Variants in PRR12 observed in about 807,000 individuals in gnomAD.
PRR12 encodes proline rich 12.
A neutral mutation model predicts 138.0 loss-of-function variants in PRR12; 12 were observed. That is an observed-to-expected ratio of 0.09 (90% confidence interval 0.06 to 0.14). The LOEUF (loss-of-function observed/expected upper bound fraction) is 0.14. Ranked by LOEUF, PRR12 falls within the 10% of genes least tolerant of loss-of-function variation. The probability of loss-of-function intolerance (pLI) is 1.00; values close to 1 mark genes in which losing one functional copy is unlikely to be tolerated. For synonymous variants in PRR12, 1,567 were observed against 1,291.7 expected (o/e 1.21, Z -4.57); for missense variants, 2,692 against 2,861.3 (o/e 0.94, Z 1.35).
Position 49,595,098 on chromosome 19 carries a change from G to T in PRR12, c.763G>T (p.Ala255Ser). Residue 255 changes from alanine (A) to serine (S), a missense_variant, in exon 4 of 14, where the codon GCC (alanine) becomes TCC (serine). Ala to Ser is a moderately conservative substitution (Grantham distance 99, BLOSUM62 1). This residue lies in a region of PRR12 where 523 missense variants were observed against 496.4 expected (regional missense o/e 1.05). Transcript: ENST00000418929. ...CCTGCTGGCTTCCTCTTCCGCTGCC[G>T]CCGCCGCTGCCGAGCAGTCCTCCCC... ...FNLLASSSAA[A>S]AAAEQSSPQL... is the part of the protein sequence containing the mutation. The T allele has an allele frequency of 6.2e-7, 1 of 1,610,294 alleles. No homozygotes were observed. The highest frequency in any genetic ancestry group is 8.5e-7 in the Non-Finnish European group (1 of 1,179,454).
chr19:49,599,600 C>A lies in PRR12; in HGVS notation c.4007C>A (p.Pro1336Gln). The change falls in exon 5 of 14, where the codon CCA becomes CAA. Residue 1336 changes from proline to glutamine, a missense_variant. Coordinates refer to ENST00000418929, the MANE Select transcript of PRR12 (RefSeq NM_020719.3). This position sits in a 1 kb window ranked among gnomAD's most constrained non-coding sequence, Gnocchi z 5.0. The stretch of plus-strand genomic sequence containing the variant: ...GCCACCCCTGCTGTGCCACATCCCC[C>A]ACCTTCCGGAGCCTTTGGGCTTGGG... ...PPATPAVPHP[P>Q]PSGAFGLGGA... 2 of 1,598,980 alleles carry A rather than the reference C, an allele frequency of 1.3e-6. No individual in the cohort carries two copies. The highest frequency in any genetic ancestry group is 1.7e-6 in the Non-Finnish European group (2 of 1,172,066).
At chr19:49,609,808 G>C (rs1441569897) in intron 6 of PRR12, among the ~76,000 whole-genome samples, 2 of 152,032 alleles carry the variant, frequency 1.3e-5, no homozygotes, top group South Asian at 2.1e-4. Context: ...TTGGGTGCAG[G>C]GGTGAGTTCC....
Position 49,595,431 on chromosome 19 carries a change from G to A in PRR12, c.1096G>A (p.Glu366Lys). 1 of 1,547,302 alleles carries A rather than the reference G, an allele frequency of 6.5e-7. No homozygotes were observed. The highest frequency in any genetic ancestry group is 2.0e-5 in the Admixed American group (1 of 50,948). ...AGASGRATGP[E>K]AAGGGGAGGG... The stretch of plus-strand genomic sequence containing the variant: ...GGCATCTGGCCGGGCCACGGGCCCT[G>A]AGGCAGCAGGGGGCGGTGGGGCTGG... The change falls in exon 4 of 14, where the codon GAG becomes AAG. Residue 366 changes from glutamate (E) to lysine (K), a missense_variant. Coordinates refer to ENST00000418929, the MANE Select transcript of PRR12 (RefSeq NM_020719.3).
rs766779233 is a variant in PRR12 at position 49,624,979 on chromosome 19, G to A, written c.5857G>A (p.Val1953Ile). ...KTLSKLKRSV[V>I]RAQEFKVELE... ...GCTCAGCAAGCTCAAGAGGAGCGTGGTCAGAGCCCAGGTGGGCACTGGGGC... is the reference window on the plus strand; with the variant it reads ...GCTCAGCAAGCTCAAGAGGAGCGTGATCAGAGCCCAGGTGGGCACTGGGGC... Residue 1953 changes from valine to isoleucine, a missense_variant, in exon 12 of 14, where the codon GTC (valine) becomes ATC (isoleucine). Physicochemically the swap from Val to Ile is conservative, Grantham distance 29. Transcript: ENST00000418929. 2.2e-5 allele frequency: 36 copies of A among 1,600,334 alleles called. No individual in the cohort carries two copies. In the South Asian group the frequency reaches 3.1e-4, roughly 14 times the overall value.
In PRR12 at chr19:49,624,999, T is replaced by G; in HGVS notation, c.5868+9T>G. 6.2e-7 allele frequency: 1 copy of G among 1,603,474 alleles called. No individual in the cohort carries two copies. ...GCGTGGTCAGAGCCCAGGTGGGCAC[T>G]GGGGCTGGGGCTGGGAGTGGGGAGT... On this transcript the variant is annotated intron_variant, in intron 12 of 13. Coordinates refer to ENST00000418929, the MANE Select transcript of PRR12 (RefSeq NM_020719.3).
chr19:49,597,476 G>A lies in PRR12; in HGVS notation c.3141G>A (p.Pro1047=), dbSNP rs377042776. The change falls in exon 4 of 14, where the codon CCG becomes CCA. Residue 1047 remains proline (P), a synonymous_variant. Transcript: ENST00000418929. The surrounding 1 kb of genome is among the most constrained non-coding windows in gnomAD (Gnocchi z 6.3). ...CACCACCCCCGCCTCCGCCACCGCC[G>A]CCTCCCGCGCCGGCCTCCGAACCCA... ...AAPPPPPPPP[P]PPAPASEPKG... The A allele has an allele frequency of 1.9e-5, 29 of 1,545,070 alleles. No homozygotes were observed. The highest frequency in any genetic ancestry group is 8.2e-5 in the African/African-American group (6 of 73,002).
chr19:49,614,517 C>G lies in PRR12; in HGVS notation c.4774-16C>G. On this transcript the variant is annotated splice_polypyrimidine_tract_variant and intron_variant, in intron 6 of 13. Coordinates refer to ENST00000418929, the MANE Select transcript of PRR12 (RefSeq NM_020719.3). The surrounding 1 kb of genome is among the most constrained non-coding windows in gnomAD (Gnocchi z 5.0). ...AGGGCTGACCCTGCTGGCCTCACCA[C>G]ACCCCTCCTCCTCAGCTGGCGTTGC... is the stretch of plus-strand genomic sequence containing the variant. 5 of 1,526,286 alleles carry G rather than the reference C, an allele frequency of 3.3e-6. No homozygotes were observed. The highest frequency in any genetic ancestry group is 4.4e-6 in the Non-Finnish European group (5 of 1,134,310). The allele number at this position is 1,526,286 out of a possible 1,614,324, so 94.5% of individuals were successfully genotyped here.
At chr19:49,606,920 A>G (rs7254127) in intron 6 of PRR12, among the ~76,000 whole-genome samples, 2,800 of 152,214 alleles carry the variant, frequency 0.018, 88 homozygotes, top group African/African-American at 0.063. Context: ...TTTATTCCAG[A>G]AAAACAGCAA....
At chr19:49,601,229 T>G (rs2080808131) in intron 5 of PRR12, among the ~76,000 whole-genome samples, 1 of 151,676 alleles carries the variant, frequency 6.6e-6, no homozygotes, top group African/African-American at 2.4e-5. Flanking sequence ...GAAGAGGAGT[T>G]AAGAACCAGA....
chr19:49,619,397 G>T (rs865994399), intron 9 of PRR12, among the ~76,000 whole-genome samples: 7 of 150,526 alleles, frequency 4.7e-5, no homozygotes, highest in African/African-American at 1.7e-4. Flanking sequence ...CACCACACCC[G>T]GCTAATTTTG....
intron 6 of PRR12, among the ~76,000 whole-genome samples, chr19:49,611,442 G>C (rs999166211): frequency 6.6e-6 from 1 of 151,446 alleles, no homozygotes; most frequent in African/African-American, 2.4e-5. Flanking sequence ...TTTGAGACCA[G>C]CCTTGCCAAC....
chr19:49,620,484 T>C lies in PRR12; in HGVS notation c.5623+7T>C, dbSNP rs755147580. ...GCCCTGGAGGACACGCATGGTGAGC[T>C]GAGGCCTGGGGAGGAGGGGGGGGGG... On this transcript the variant is annotated splice_region_variant and intron_variant, in intron 10 of 13. Transcript: ENST00000418929. 62 of 1,517,538 alleles carry C rather than the reference T, an allele frequency of 4.1e-5. No homozygotes were observed. In the Middle Eastern group the frequency reaches 1.0e-3, roughly 25 times the overall value. 94.0% of individuals were successfully genotyped at this position (1,517,538 alleles called of 1,614,324 possible).
rs904735712 is a variant in PRR12 at position 49,601,596 on chromosome 19, C to T, written c.4451C>T (p.Ser1484Leu). The change falls in exon 6 of 14, where the codon TCG becomes TTG. Residue 1484 changes from serine to leucine, a missense_variant. This residue lies in a region of PRR12 where 231 missense variants were observed against 200.8 expected (regional missense o/e 1.15). Transcript: ENST00000418929. ...CCGCCGCCACAGCCAGCCCTGCCCT[C>T]GCCACCCCCGCTGGTGGCCCCCACG... The part of the protein sequence containing the change: ...PPPPPQPALP[S>L]PPPLVAPTPS... 34 of 1,543,424 alleles carry T rather than the reference C, an allele frequency of 2.2e-5. No homozygotes were observed. Among genetic ancestry groups the T allele is most frequent in the African/African-American group, 4.1e-5 (3 of 72,742 alleles).
In PRR12 at chr19:49,595,284, G is replaced by A; in HGVS notation, c.949G>A (p.Gly317Arg). 1 of 1,545,466 alleles carries A rather than the reference G, an allele frequency of 6.5e-7. No homozygotes were observed. Among genetic ancestry groups the A allele is most frequent in the East Asian group, 2.4e-5 (1 of 40,872 alleles). The change falls in exon 4 of 14, where the codon GGA (glycine) becomes AGA (arginine). Residue 317 changes from glycine to arginine, a missense_variant. By Grantham distance (125) the Gly-to-Arg change is moderately radical. This residue lies in a region of PRR12 where 523 missense variants were observed against 496.4 expected (regional missense o/e 1.05). Coordinates refer to ENST00000418929, the MANE Select transcript of PRR12 (RefSeq NM_020719.3). ...AHALQHYLSC[G>R]GSYPSMGHRA... ...TGCGCTCCAGCACTATCTGAGCTGT[G>A]GAGGCAGCTACCCCTCCATGGGCCA...
At chr19:49,608,562 G>A (rs1036259487) in intron 6 of PRR12, among the ~76,000 whole-genome samples, 4 of 151,978 alleles carry the variant, frequency 2.6e-5, no homozygotes, top group African/African-American at 9.7e-5. Context: ...GTAGAGACGG[G>A]GTTTCACCAT....
At chr19:49,620,284 A>G (rs2080915145) in intron 9 of PRR12, 68 bp from the exon 10 acceptor site, 6 of 1,595,516 alleles carry the variant, frequency 3.8e-6, no homozygotes, top group South Asian at 2.3e-5. Flanking sequence ...TGTTGAGAAC[A>G]GTGTCTGCCA....
Position 49,598,007 on chromosome 19 carries a change from A to T in PRR12, c.3672A>T (p.Pro1224=). ...GCACCCGGTTGGAGCCCCTGAAGCC[A>T]CTTAAGGTGAGGGGAAATGGGGTCT... The part of the protein sequence containing the change: ...AGGTRLEPLK[P]LKIKLSVPKA... The change falls in exon 4 of 14, where the codon CCA becomes CCT. Residue 1224 remains proline, a synonymous_variant. Transcript: ENST00000418929. The T allele has an allele frequency of 7.3e-7, 1 of 1,372,856 alleles. No homozygotes were observed. Among genetic ancestry groups the T allele is most frequent in the Middle Eastern group, 2.7e-4 (1 of 3,764 alleles). The allele number at this position is 1,372,856 out of a possible 1,614,324, so 85.0% of individuals were successfully genotyped here.
chr19:49,595,920 C>G lies in PRR12; in HGVS notation c.1585C>G (p.Pro529Ala), dbSNP rs762919999. The change falls in exon 4 of 14, where the codon CCC becomes GCC. Residue 529 changes from proline to alanine, a missense_variant. By Grantham distance (27) the Pro-to-Ala change is conservative. Coordinates refer to ENST00000418929, the MANE Select transcript of PRR12 (RefSeq NM_020719.3). ...AHSQGLPTASPSLSYSTGHSP... is the reference protein window; with the variant it reads ...AHSQGLPTASASLSYSTGHSP... ...CTCCCAGGGGCTGCCCACAGCCAGC[C>G]CCTCGCTCAGCTACAGTACCGGCCA... 4.4e-6 allele frequency: 7 copies of G among 1,602,206 alleles called. No homozygotes were observed. The African/African-American group carries it at 8.0e-5, about 18-fold the overall frequency.
In PRR12 at chr19:49,616,104, C is replaced by T. The variant is rs192948887; in HGVS notation, c.5382C>T (p.Pro1794=). The change falls in exon 9 of 14, where the codon CCC becomes CCT. Residue 1794 remains proline, a synonymous_variant. Coordinates refer to ENST00000418929, the MANE Select transcript of PRR12 (RefSeq NM_020719.3). The surrounding 1 kb of genome is among the most constrained non-coding windows in gnomAD (Gnocchi z 4.2). The part of the protein sequence containing the change: ...ARPTKVKAEP[P]PKKRKKWLKE... Reference sequence around the variant, plus strand: ...CTACCAAGGTGAAGGCTGAACCGCCCCCTAAGAAGAGGAAGAAATGGCTGA... The same window carrying T: ...CTACCAAGGTGAAGGCTGAACCGCCTCCTAAGAAGAGGAAGAAATGGCTGA... The T allele has an allele frequency of 0.011, 17,986 of 1,566,526 alleles. 122 individuals carry two copies. Among genetic ancestry groups the T allele is most frequent in the Non-Finnish European group, 0.014 (15,896 of 1,156,292 alleles).
Sources: allele counts gnomAD v4.1 joint callset (sites outside exome capture counted in the v4.1 genomes callset), GRCh38; gene constraint gnomAD v4.1.1; regional missense constraint gnomAD v4.1.1; non-coding constraint Gnocchi (gnomAD v3.1); transcripts MANE v1.5; gene names NCBI Gene and HGNC (gene_info 2026-07-23, HGNC 2026-07-21).